CBR3: variants seen among roughly 807,000 people sequenced by gnomAD.
CBR3 encodes the protein carbonyl reductase 3, also known as carbonyl reductase [NADPH] 3.
In CBR3, 14 loss-of-function variants were observed where a neutral mutation model predicts 11.6. The ratio of observed to expected loss-of-function variants is 1.20; its 90% CI spans 0.79 to 1.88. CBR3 has a LOEUF of 1.88. CBR3 is among the 40% of genes most tolerant of loss of function. The pLI is 0.00. For synonymous variants in CBR3, 125 were observed against 145.6 expected (o/e 0.86, Z 1.02); for missense variants, 308 against 357.3 (o/e 0.86, Z 1.11).
intron 1 of CBR3, chr21:36,135,726 G>A: frequency 6.4e-6 from 3 of 469,002 alleles, no homozygotes; most frequent in Non-Finnish European, 1.1e-5. Context: ...GCGCGGCCCG[G>A]GGCCCTCCCC....
Position 36,142,439 on chromosome 21 carries a change from A to AAAAAAAAAAACAAC in CBR3, c.398-3628_398-3627insACAACAAAAAAAAA, listed in dbSNP as rs774406466. ...AGAGCGAGACTCCATCTCAAAAAAA[A>AAAAAAAAAAACAAC]AAAAAAAAACGCAATCCATGATCCT... On this transcript the variant is annotated intron_variant, in intron 2 of 2. Transcript: ENST00000290354. Among the ~76,000 whole-genome samples the AAAAAAAAAAACAAC allele has an allele frequency of 1.3e-4, 19 of 147,758 alleles. 1 individual carries two copies. The highest frequency in any genetic ancestry group is 2.7e-4 in the Admixed American group (4 of 14,880).
In CBR3 at chr21:36,146,537, T is replaced by C; in HGVS notation, c.*25T>C. 6.5e-7 allele frequency: 1 copy of C among 1,541,180 alleles called. No individual in the cohort carries two copies. Among genetic ancestry groups the C allele is most frequent in the Non-Finnish European group, 8.8e-7 (1 of 1,138,268 alleles). On this transcript the variant is annotated 3_prime_UTR_variant, in exon 3 of 3. Coordinates refer to ENST00000290354, the MANE Select transcript of CBR3 (RefSeq NM_001236.4). ...AACGTCTGCTTCGGAGCTTGCTGCT[T>C]AATAAATGTTGGTGGAATGAATGAA... is the stretch of plus-strand genomic sequence containing the variant.
At chr21:36,136,748 C>A (rs888575912) in intron 1 of CBR3, among the ~76,000 whole-genome samples, 1 of 151,762 alleles carries the variant, frequency 6.6e-6, no homozygotes, top group East Asian at 2.0e-4. Context: ...TGCGTTTCCG[C>A]TGGGCGCGGT....
intron 2 of CBR3, among the ~76,000 whole-genome samples, chr21:36,141,007 C>CAAAAAA (rs1217520274): frequency 5.3e-5 from 3 of 56,184 alleles, no homozygotes; most frequent in African/African-American, 2.0e-4. Flanking sequence ...CACTCCATCT[C>CAAAAAA]AAAAAAAAAA....
chr21:36,145,613 TAC>T (rs2065747558), intron 2 of CBR3, among the ~76,000 whole-genome samples: 1 of 152,146 alleles, frequency 6.6e-6, no homozygotes, highest in Non-Finnish European at 1.5e-5. Context: ...GTGCTGGGAT[TAC>T]AGATATAAGC....
At chr21:36,144,329 C>T (rs941723562) in intron 2 of CBR3, among the ~76,000 whole-genome samples, 7 of 152,092 alleles carry the variant, frequency 4.6e-5, no homozygotes, top group African/African-American at 1.4e-4. Context: ...CATGGTGGCA[C>T]ACACCTTCAT....
intron 2 of CBR3, among the ~76,000 whole-genome samples, chr21:36,141,168 G>C (rs1383581618): frequency 6.6e-6 from 1 of 151,422 alleles, no homozygotes; most frequent in East Asian, 1.9e-4. Context: ...AGACTGAGGT[G>C]GGAGGATCGC....
chr21:36,142,878 C>G (rs1042904054), intron 2 of CBR3, among the ~76,000 whole-genome samples: 2 of 151,980 alleles, frequency 1.3e-5, no homozygotes, highest in African/African-American at 4.8e-5. Flanking sequence ...TACTAGGTAC[C>G]TGGGGGGATG....
At chr21:36,142,039 C>A in intron 2 of CBR3, 2 of 353,518 alleles carry the variant, frequency 5.7e-6, no homozygotes, top group Non-Finnish European at 7.9e-6. Context: ...CAGACCAATT[C>A]ACTTTGAGAG....
intron 1 of CBR3, among the ~76,000 whole-genome samples, chr21:36,136,018 A>G (rs2065657541): frequency 6.6e-6 from 1 of 152,200 alleles, no homozygotes; most frequent in Non-Finnish European, 1.5e-5. Flanking sequence ...AGGCTCTGGC[A>G]AAAAGGAAGC....
intron 1 of CBR3, chr21:36,135,702 C>G: frequency 2.0e-6 from 1 of 509,060 alleles, no homozygotes; most frequent in Non-Finnish European, 3.4e-6. Flanking sequence ...GCCCGCCGGC[C>G]TGTGAGGGCC....
chr21:36,143,273 A>G (rs2065728096), intron 2 of CBR3, among the ~76,000 whole-genome samples: 1 of 152,102 alleles, frequency 6.6e-6, no homozygotes, highest in Non-Finnish European at 1.5e-5. Flanking sequence ...ACTGCACTCC[A>G]GCCTGGACAA....
chr21:36,142,431 C>CAA lies in CBR3; in HGVS notation c.398-3629_398-3628dup, dbSNP rs71326645. On this transcript the variant is annotated intron_variant, in intron 2 of 2. Coordinates refer to ENST00000290354, the MANE Select transcript of CBR3 (RefSeq NM_001236.4). ...TAGGTGACAGAGCGAGACTCCATCTCAAAAAAAAAAAAAAAAACGCAATCC... is the reference window on the plus strand; with the variant it reads ...TAGGTGACAGAGCGAGACTCCATCTCAAAAAAAAAAAAAAAAAAACGCAATCC... Among the ~76,000 whole-genome samples the CAA allele has an allele frequency of 3.2e-4, 13 of 40,418 alleles. 1 individual carries two copies. Among genetic ancestry groups the CAA allele is most frequent in the Admixed American group, 1.2e-3 (3 of 2,572 alleles). The allele number at this position is 40,418 out of a possible 152,430, so 26.5% of individuals were successfully genotyped here. A position where few individuals can be genotyped will look rare whatever the true frequency, so the allele number is the denominator to read the frequency against.
intron 2 of CBR3, chr21:36,142,025 A>G: frequency 6.9e-6 from 3 of 432,240 alleles, no homozygotes; most frequent in Non-Finnish European, 9.3e-6. Context: ...TCTCCTCATG[A>G]GAACAGACCA....
intron 2 of CBR3, chr21:36,138,303 A>G (rs551902094): frequency 1.8e-3 from 301 of 166,242 alleles, no homozygotes; most frequent in African/African-American, 7.0e-3. Flanking sequence ...ACCCACTACC[A>G]CACCCGGCTA....
At chr21:36,137,027 CAAAAAAAA>C (rs58754125) in intron 1 of CBR3, 23,357 of 98,546 alleles carry the variant, frequency 0.24, 2,324 homozygotes, top group Admixed American at 0.27. Context: ...GACTCTGCCT[CAAAAAAAA>C]AAAAAAAAAA....
chr21:36,141,864 C>T (rs2065712191), intron 2 of CBR3: 4 of 936,516 alleles, frequency 4.3e-6, no homozygotes, highest in Non-Finnish European at 5.1e-6. Context: ...CTCGAAGGCA[C>T]AGCTTCTATG....
intron 2 of CBR3, among the ~76,000 whole-genome samples, chr21:36,144,101 C>A (rs1184062567): frequency 1.3e-5 from 2 of 151,928 alleles, no homozygotes; most frequent in African/African-American, 4.8e-5. Flanking sequence ...GAGCACTGTC[C>A]CTCAGAAAGC....
rs1488226346 is a variant in CBR3, at chr21:36,135,409, C to T, written c.217C>T (p.Leu73=). 1 of 1,613,594 alleles carries T rather than the reference C, an allele frequency of 6.2e-7. No individual in the cohort carries two copies. The highest frequency in any genetic ancestry group is 1.1e-5 in the South Asian group (1 of 91,070). Residue 73 remains leucine (L), a synonymous_variant, in exon 1 of 3, where the codon CTG becomes TTG. Coordinates refer to ENST00000290354, the MANE Select transcript of CBR3 (RefSeq NM_001236.4). ...DIDDLQSIRA[L]RDFLRKEYGG... ...CGACGACTTGCAGAGCATCCGCGCCCTGCGCGACTTCCTGCGCAAGGAGTA... is the reference window on the plus strand; with the variant it reads ...CGACGACTTGCAGAGCATCCGCGCCTTGCGCGACTTCCTGCGCAAGGAGTA...
Sources: gnomAD v4.1 joint callset for allele counts (sites outside exome capture counted in the v4.1 genomes callset) on GRCh38, gnomAD v4.1.1 for gene constraint, MANE v1.5 for transcripts, NCBI Gene and HGNC (gene_info 2026-07-23, HGNC 2026-07-21) for gene names.